Variants in TENM1 observed in about 807,000 individuals in gnomAD.
TENM1 encodes teneurin transmembrane protein 1.
Under a neutral mutation model 174.8 loss-of-function variants are expected in TENM1, and 35 were observed. That is an observed-to-expected ratio of 0.20 (90% CI 0.15 to 0.27). The LOEUF (loss-of-function observed/expected upper bound fraction) is 0.27. Ranked by LOEUF, TENM1 falls within the 10% of genes least tolerant of loss-of-function variation. The probability of loss-of-function intolerance (pLI) is 1.00; values close to 1 mark genes in which losing one functional copy is unlikely to be tolerated. For synonymous variants in TENM1, 781 were observed against 798.7 expected (o/e 0.98, Z 0.37); for missense variants, 1,633 against 2,130.1 (o/e 0.77, Z 4.59).
At chrX:124,387,472 T>G (rs1277058512) in intron 28 of TENM1, among the ~76,000 whole-genome samples, 1 of 112,072 alleles carries the variant, frequency 8.9e-6, no homozygotes, top group Non-Finnish European at 1.9e-5. Flanking sequence ...AAAATTACCT[T>G]TTCAAGCAAA....
At chrX:124,894,192 G>T in intron 3 of TENM1, 104 bp downstream of exon 6, 3 of 575,044 alleles carry the variant, frequency 5.2e-6, no homozygotes, top group Non-Finnish European at 8.8e-6. Flanking sequence ...GAGCAGGCTT[G>T]TATGTTGTTT....
chrX:124,414,009 A>G (rs914548292), intron 25 of TENM1, among the ~76,000 whole-genome samples: 1 of 112,227 alleles, frequency 8.9e-6, no homozygotes, highest in Non-Finnish European at 1.9e-5. Flanking sequence ...TTAGCCATCC[A>G]TGATAAAACT....
chrX:124,540,377 A>G (rs1219977199), intron 15 of TENM1, among the ~76,000 whole-genome samples: 1 of 112,207 alleles, frequency 8.9e-6, no homozygotes, highest in African/African-American at 3.2e-5. Flanking sequence ...TAAAGTCCTC[A>G]GTTTCTCTGG....
chrX:125,190,320 T>C, the TENM1 span, among the ~76,000 whole-genome samples: 1 of 112,668 alleles, frequency 8.9e-6, no homozygotes, highest in African/African-American at 3.2e-5. Context: ...TGTGGCTGAA[T>C]AGCCAAGTAA....
chrX:125,118,707 CA>C, the TENM1 span, among the ~76,000 whole-genome samples: 9 of 111,282 alleles, frequency 8.1e-5, no homozygotes, highest in African/African-American at 3.0e-4. Flanking sequence ...ATTAAAATCA[CA>C]ACAAAATACT....
intron 11 of TENM1, among the ~76,000 whole-genome samples, chrX:124,636,221 C>T (rs1376147045): frequency 8.9e-6 from 1 of 111,756 alleles, no homozygotes; most frequent in Non-Finnish European, 1.9e-5. Context: ...CTGTACTGAG[C>T]ACACTCAATT....
At chrX:124,960,980 T>C (rs1405440112) in intron 1 of TENM1, among the ~76,000 whole-genome samples, 10 of 112,095 alleles carry the variant, frequency 8.9e-5, no homozygotes, top group African/African-American at 3.2e-4. Context: ...TATAAAACTT[T>C]TACCAATTAC....
At chrX:124,727,201 T>G (rs2053460408) in intron 4 of TENM1, among the ~76,000 whole-genome samples, 1 of 112,629 alleles carries the variant, frequency 8.9e-6, no homozygotes, top group East Asian at 2.8e-4. Context: ...TTTGTCTTTG[T>G]GAACTGAAGT....
intron 22 of TENM1, among the ~76,000 whole-genome samples, chrX:124,457,723 G>A (rs1189215154): frequency 9.0e-6 from 1 of 111,650 alleles, no homozygotes; most frequent in Admixed American, 9.6e-5. Flanking sequence ...GGAAATAGTA[G>A]CTAAATCCCA....
At chrX:124,539,676 GT>G (rs940509008) in intron 15 of TENM1, among the ~76,000 whole-genome samples, 22 of 106,226 alleles carry the variant, frequency 2.1e-4, no homozygotes, top group South Asian at 4.1e-4. Flanking sequence ...TTGGATGATT[GT>G]TTTTTTTTTC....
intron 1 of TENM1, among the ~76,000 whole-genome samples, chrX:124,942,962 C>T (rs1321747336): frequency 9.0e-6 from 1 of 111,471 alleles, no homozygotes; most frequent in Non-Finnish European, 1.9e-5. Context: ...AAAAGGAAAC[C>T]ATCACACAGA....
the TENM1 span, among the ~76,000 whole-genome samples, chrX:125,065,542 A>G: frequency 8.9e-6 from 1 of 112,404 alleles, no homozygotes; most frequent in African/African-American, 3.2e-5. Context: ...CTGCATTGAC[A>G]TGGTCAAATT....
intron 11 of TENM1, among the ~76,000 whole-genome samples, chrX:124,614,001 T>C (rs1400460959): frequency 8.9e-6 from 1 of 111,849 alleles, no homozygotes; most frequent in Non-Finnish European, 1.9e-5. Context: ...TGGAGGACTC[T>C]GGCAAGTTTG....
chrX:124,919,222 C>T (rs774644781), intron 1 of TENM1, among the ~76,000 whole-genome samples: 2 of 112,038 alleles, frequency 1.8e-5, no homozygotes, highest in South Asian at 7.5e-4. Flanking sequence ...CAACACTGAA[C>T]AGACAGATCA....
chrX:124,896,864 T>C (rs931265048), intron 1 of TENM1, among the ~76,000 whole-genome samples: 3 of 111,980 alleles, frequency 2.7e-5, no homozygotes, highest in African/African-American at 9.7e-5. Flanking sequence ...TTCATTTTTT[T>C]CCAATAAATA....
At chrX:124,698,638 CACA>C (rs2052705118) in intron 5 of TENM1, among the ~76,000 whole-genome samples, 1 of 111,228 alleles carries the variant, frequency 9.0e-6, no homozygotes, top group South Asian at 3.8e-4. Flanking sequence ...AATGAAAAAC[CACA>C]ACAACTCTCC....
chrX:124,773,742 A>G (rs1463589378), intron 3 of TENM1, among the ~76,000 whole-genome samples: 2 of 111,939 alleles, frequency 1.8e-5, no homozygotes, highest in Middle Eastern at 4.6e-3. Flanking sequence ...TACACTTCCA[A>G]AAAGAATATA....
At chrX:124,542,410 C>A (rs1168649177) in intron 15 of TENM1, among the ~76,000 whole-genome samples, 1 of 97,285 alleles carries the variant, frequency 1.0e-5, no homozygotes, top group Non-Finnish European at 2.0e-5. Context: ...AGAAACCCAT[C>A]ATCTTGTTTC....
At chrX:124,427,042 C>T (rs954130530) in intron 23 of TENM1, among the ~76,000 whole-genome samples, 1 of 111,807 alleles carries the variant, frequency 8.9e-6, no homozygotes, top group Non-Finnish European at 1.9e-5. Context: ...GGAGCATAGT[C>T]CCCCAGGAAA....
Sources: allele counts gnomAD v4.1 joint callset (sites outside exome capture counted in the v4.1 genomes callset), GRCh38; gene constraint gnomAD v4.1.1; transcripts MANE v1.5; gene names NCBI Gene and HGNC (gene_info 2026-07-23, HGNC 2026-07-21).